The following ADK variants were observed in gnomAD, a reference collection of about 807,000 sequenced individuals.
ADK encodes N6,N6-dimethyladenosine kinase.
In ADK, 24 loss-of-function variants were observed where a neutral mutation model predicts 44.7. The ratio of observed to expected loss-of-function variants is 0.54; its 90% CI spans 0.39 to 0.76. The LOEUF (loss-of-function observed/expected upper bound fraction) is 0.76, where lower values mean the gene tolerates loss of function less well. ADK is among the 30% of genes least tolerant of loss of function. ADK has a pLI of 0.00. For missense variants in ADK, 321 were observed against 425.1 expected, an observed-to-expected ratio of 0.76 and a Z score of 2.15; for synonymous variants, 128 against 142.6, an observed-to-expected ratio of 0.90 and a Z score of 0.73.
At chr10:74,210,053 G>A (rs990296093) in intron 2 of ADK, among the ~76,000 whole-genome samples, 3 of 152,126 alleles carry the variant, frequency 2.0e-5, no homozygotes, top group African/African-American at 4.8e-5. Context: ...GTTTTGGCTG[G>A]GCGCGGTGGC....
Position 74,474,364 on chromosome 10 carries a change from A to G in ADK, c.556-50892A>G, listed in dbSNP as rs1278669975. On this transcript the variant is annotated intron_variant, in intron 6 of 10. Coordinates refer to ENST00000539909, the MANE Select transcript of ADK (RefSeq NM_006721.4). ...GTGATCTTCCCTCCTCAGCCTCCCA[A>G]AGTGCTGAGATCACATGTGTGACCC... Among the ~76,000 whole-genome samples, 11 of 152,274 alleles carry G rather than the reference A, an allele frequency of 7.2e-5. No homozygotes were observed. The East Asian group carries it at 1.4e-3, about 19-fold the overall frequency.
At chr10:74,413,329 T>G (rs1050893451) in intron 6 of ADK, among the ~76,000 whole-genome samples, 1 of 152,202 alleles carries the variant, frequency 6.6e-6, no homozygotes, top group African/African-American at 2.4e-5. Flanking sequence ...CTTCTGCCAG[T>G]AGAAGACTCT....
intron 3 of ADK, among the ~76,000 whole-genome samples, chr10:74,290,210 A>G (rs1223201998): frequency 6.6e-6 from 1 of 152,046 alleles, no homozygotes; most frequent in Non-Finnish European, 1.5e-5. Context: ...TCTGAGAGTT[A>G]GCTTCACTTT....
chr10:74,214,377 A>G (rs1049600187), intron 2 of ADK, among the ~76,000 whole-genome samples: 3 of 152,190 alleles, frequency 2.0e-5, no homozygotes, highest in African/African-American at 7.2e-5. Context: ...GGTTTTGCCA[A>G]TTCTGTAAAA....
intron 7 of ADK, among the ~76,000 whole-genome samples, chr10:74,569,299 G>A (rs1850835088): frequency 6.6e-6 from 1 of 152,120 alleles, no homozygotes; most frequent in African/African-American, 2.4e-5. Context: ...CCCAGTAGTG[G>A]GATTGCTGGG....
chr10:74,527,167 C>T (rs1307666635), intron 7 of ADK, among the ~76,000 whole-genome samples: 1 of 152,202 alleles, frequency 6.6e-6, no homozygotes, highest in East Asian at 1.9e-4. Flanking sequence ...TGAGACCATC[C>T]TGGCTAACAC....
At chr10:74,541,789 C>T (rs1849636556) in intron 7 of ADK, among the ~76,000 whole-genome samples, 1 of 61,758 alleles carries the variant, frequency 1.6e-5, no homozygotes, top group Non-Finnish European at 3.9e-5. Context: ...CGAGAACCCC[C>T]ACACACCCCC....
chr10:74,293,046 T>G (rs548528589), intron 3 of ADK, among the ~76,000 whole-genome samples: 2 of 151,614 alleles, frequency 1.3e-5, no homozygotes, highest in Admixed American at 1.3e-4. Context: ...TGCATGCTTG[T>G]GGTCAGCTAC....
At chr10:74,701,001 A>G (rs1041676939) in intron 10 of ADK, among the ~76,000 whole-genome samples, 2 of 152,248 alleles carry the variant, frequency 1.3e-5, no homozygotes, top group African/African-American at 4.8e-5. Context: ...TGAACACAGT[A>G]TTTGACTACA....
intron 6 of ADK, among the ~76,000 whole-genome samples, chr10:74,426,448 T>C (rs2133057985): frequency 6.6e-6 from 1 of 152,304 alleles, no homozygotes; most frequent in South Asian, 2.1e-4. Flanking sequence ...TTTATAAATA[T>C]ATGGAGTAAT....
intron 6 of ADK, among the ~76,000 whole-genome samples, chr10:74,493,475 TAGAG>T (rs1336101942): frequency 6.6e-6 from 1 of 151,188 alleles, no homozygotes; most frequent in Non-Finnish European, 1.5e-5. Flanking sequence ...GAGATATATA[TAGAG>T]AGATATATAG....
At chr10:74,336,017 T>C (rs1841398237) in intron 4 of ADK, among the ~76,000 whole-genome samples, 1 of 152,202 alleles carries the variant, frequency 6.6e-6, no homozygotes, top group Non-Finnish European at 1.5e-5. Context: ...GAGCAGAAGT[T>C]CTTACAAATT....
At chr10:74,364,654 C>T (rs1842441267) in intron 4 of ADK, among the ~76,000 whole-genome samples, 1 of 149,980 alleles carries the variant, frequency 6.7e-6, no homozygotes, top group Non-Finnish European at 1.5e-5. Context: ...TAATGTTTTC[C>T]TTTCCTTTCC....
intron 1 of ADK, among the ~76,000 whole-genome samples, chr10:74,155,630 T>G (rs1045830450): frequency 6.6e-6 from 1 of 152,066 alleles, no homozygotes; most frequent in Non-Finnish European, 1.5e-5. Context: ...CCCGGGTTCA[T>G]GCCATTCTCC....
Position 74,670,237 on chromosome 10 carries a change from A to G in ADK, c.932A>G (p.Asp311Gly). The G allele has an allele frequency of 6.2e-7, 1 of 1,613,918 alleles. No individual in the cohort carries two copies. The highest frequency in any genetic ancestry group is 8.5e-7 in the Non-Finnish European group (1 of 1,179,860). ...VLDQDQKEII[D>G]TNGAGDAFVG... ...GATCAAGACCAGAAAGAAATTATTG[A>G]TACCAATGGAGCTGGAGATGCATTT... is the stretch of plus-strand genomic sequence containing the variant. Residue 311 changes from aspartate to glycine, a missense_variant, in exon 10 of 11, where the codon GAT becomes GGT. Asp to Gly is a moderately conservative substitution (Grantham distance 94). Coordinates refer to ENST00000539909, the MANE Select transcript of ADK (RefSeq NM_006721.4).
At position 74,600,427 on chromosome 10, in the gene ADK, A is replaced by T. The variant is rs768696317; in HGVS notation, c.811A>T (p.Met271Leu). 5.0e-6 allele frequency: 8 copies of T among 1,611,642 alleles called. No individual in the cohort carries two copies. The highest frequency in any genetic ancestry group is 6.8e-6 in the Non-Finnish European group (8 of 1,178,686). Reference protein sequence around the residue: ...IAKKTQALPKMNSKRQRIVIF... With the variant: ...IAKKTQALPKLNSKRQRIVIF... ...CAAAAAGACACAAGCCCTGCCAAAGATGAACTCAAAGAGGCAGCGAATCGT... is the reference window on the plus strand; with the variant it reads ...CAAAAAGACACAAGCCCTGCCAAAGTTGAACTCAAAGAGGCAGCGAATCGT... Residue 271 changes from methionine to leucine, a missense_variant, in exon 9 of 11, where the codon ATG (methionine) becomes TTG (leucine). Transcript: ENST00000539909.
At chr10:74,670,088 G>C in intron 9 of ADK, 95 bp from the exon 10 acceptor site, 3 of 951,310 alleles carry the variant, frequency 3.2e-6, no homozygotes, top group Non-Finnish European at 5.1e-6. Context: ...CTCTTTGAAT[G>C]ATGAGTGATG....
chr10:74,663,503 A>G (rs1187450251), intron 9 of ADK, among the ~76,000 whole-genome samples: 2 of 152,040 alleles, frequency 1.3e-5, no homozygotes, highest in Non-Finnish European at 2.9e-5. Context: ...CTTCCCATGA[A>G]CATTTAATTT....
chr10:74,488,872 C>T (rs1847369385), intron 6 of ADK, among the ~76,000 whole-genome samples: 1 of 151,718 alleles, frequency 6.6e-6, no homozygotes, highest in South Asian at 2.1e-4. Flanking sequence ...AACCCTGATC[C>T]CACAACTTAC....
Sources: allele counts gnomAD v4.1 joint callset (sites outside exome capture counted in the v4.1 genomes callset), GRCh38; gene constraint gnomAD v4.1.1; transcripts MANE v1.5; gene names NCBI Gene and HGNC (gene_info 2026-07-23, HGNC 2026-07-21).